The following LHCGR variants were observed in gnomAD, a reference collection of about 807,000 sequenced individuals.
LHCGR encodes luteinizing hormone/choriogonadotropin receptor.
In LHCGR, 55 loss-of-function variants were observed where a neutral mutation model predicts 60.7. The ratio of observed to expected loss-of-function variants is 0.91; its 90% CI spans 0.73 to 1.13. The LOEUF (loss-of-function observed/expected upper bound fraction) is 1.13, where lower values mean the gene tolerates loss of function less well. Among genes scored for constraint, LHCGR ranks in the 50% most tolerant of loss-of-function variants. The probability of loss-of-function intolerance (pLI) is 0.00; values close to 1 mark genes in which losing one functional copy is unlikely to be tolerated. For missense variants in LHCGR, 862 were observed against 836.0 expected (o/e 1.03, Z -0.38); for synonymous variants, 337 against 316.5 (o/e 1.06, Z -0.69).
intron 1 of LHCGR, among the ~76,000 whole-genome samples, chr2:48,740,319 T>C (rs1294645143): frequency 6.6e-5 from 10 of 152,278 alleles, no homozygotes; most frequent in Middle Eastern, 6.8e-3. Context: ...GCCAGGAAGC[T>C]CGAACTGGGT....
chr2:48,739,536 A>G (rs1669341868), intron 1 of LHCGR, among the ~76,000 whole-genome samples: 1 of 152,198 alleles, frequency 6.6e-6, no homozygotes, highest in Admixed American at 6.5e-5. Context: ...GCTGGAAAGC[A>G]TCATTCTCAG....
intron 8 of LHCGR, among the ~76,000 whole-genome samples, chr2:48,707,347 G>A (rs569570273): frequency 7.2e-5 from 11 of 152,342 alleles, no homozygotes; most frequent in South Asian, 4.1e-4. Context: ...ACTGGGATGC[G>A]TCTCCCAGTC....
chr2:48,753,805 A>AGTGTGTGTGTGT (rs70946826), intron 1 of LHCGR, among the ~76,000 whole-genome samples: 7 of 149,810 alleles, frequency 4.7e-5, no homozygotes, highest in South Asian at 2.1e-4. Context: ...GGAGAAACTG[A>AGTGTGTGTGTGT]GTGTGTGTGT....
intron 4 of LHCGR, among the ~76,000 whole-genome samples, chr2:48,725,400 C>G (rs1044340966): frequency 6.6e-6 from 1 of 152,178 alleles, no homozygotes; most frequent in Non-Finnish European, 1.5e-5. Context: ...CTCCCATACC[C>G]ATTGTCAACC....
chr2:48,695,589 G>A lies in LHCGR; in HGVS notation c.867-1285C>T, dbSNP rs536834587. 7.2e-5 allele frequency among the ~76,000 whole-genome samples: 11 copies of A among 152,230 alleles called. No individual in the cohort carries two copies. The South Asian group carries it at 2.3e-3, about 32-fold the overall frequency. On this transcript the variant is annotated intron_variant, in intron 9 of 10. Transcript: ENST00000294954. ...ATGAAATAGATCATTACACCAAAAAGACATGTGCACTTATATGGTCATTGC... is the reference window on the plus strand; with the variant it reads ...ATGAAATAGATCATTACACCAAAAAAACATGTGCACTTATATGGTCATTGC...
At chr2:48,724,878 C>G (rs901687439) in intron 4 of LHCGR, among the ~76,000 whole-genome samples, 7 of 152,060 alleles carry the variant, frequency 4.6e-5, no homozygotes, top group South Asian at 2.1e-4. Context: ...ACGTGAAGTA[C>G]CAGAGAGATG....
chr2:48,719,723 G>T (rs954357799), intron 6 of LHCGR, among the ~76,000 whole-genome samples: 1 of 152,194 alleles, frequency 6.6e-6, no homozygotes, highest in African/African-American at 2.4e-5. Flanking sequence ...TTCATTAAAT[G>T]AGCTCACAGT....
intron 9 of LHCGR, 107 bp from the exon 10 acceptor site, chr2:48,694,411 C>A: frequency 1.4e-6 from 1 of 720,686 alleles, no homozygotes; most frequent in Admixed American, 2.0e-5. Flanking sequence ...ACCTATTACA[C>A]CAGCATCTCG....
chr2:48,739,490 T>G (rs528166995), intron 1 of LHCGR, among the ~76,000 whole-genome samples: 3 of 151,790 alleles, frequency 2.0e-5, no homozygotes, highest in East Asian at 1.9e-4. Flanking sequence ...CCATAAAAAA[T>G]GATGAGTTCA....
At chr2:48,740,500 C>A (rs1168286227) in intron 1 of LHCGR, among the ~76,000 whole-genome samples, 2 of 152,170 alleles carry the variant, frequency 1.3e-5, no homozygotes, top group Non-Finnish European at 2.9e-5. Flanking sequence ...GATCTGAGAA[C>A]AGGCAGACTG....
At chr2:48,751,331 C>G (rs1349850988) in intron 1 of LHCGR, among the ~76,000 whole-genome samples, 1 of 152,014 alleles carries the variant, frequency 6.6e-6, no homozygotes, top group Non-Finnish European at 1.5e-5. Context: ...GAAATATTTC[C>G]CCCCCAGCCT....
At chr2:48,745,700 G>T (rs1349147898) in intron 1 of LHCGR, among the ~76,000 whole-genome samples, 6 of 113,036 alleles carry the variant, frequency 5.3e-5, no homozygotes, top group Non-Finnish European at 8.6e-5. Context: ...CTGTTGTGGG[G>T]TGGGGGGAGG....
intron 4 of LHCGR, among the ~76,000 whole-genome samples, chr2:48,724,031 C>A (rs1018788676): frequency 6.6e-6 from 1 of 152,136 alleles, no homozygotes; most frequent in African/African-American, 2.4e-5. Context: ...ATTCCACTTT[C>A]TTTTGGTAAT....
chr2:48,716,832 C>T (rs946041758), intron 6 of LHCGR, among the ~76,000 whole-genome samples: 5 of 152,122 alleles, frequency 3.3e-5, no homozygotes, highest in Admixed American at 1.3e-4. Context: ...GACTCTTGCC[C>T]GGTATTTGTC....
intron 8 of LHCGR, among the ~76,000 whole-genome samples, chr2:48,707,994 C>T (rs564587455): frequency 3.5e-4 from 53 of 152,248 alleles, no homozygotes; most frequent in South Asian, 1.0e-3. Flanking sequence ...GGTGAGGTGA[C>T]GCCCTGCCCT....
intron 4 of LHCGR, among the ~76,000 whole-genome samples, chr2:48,724,463 C>G (rs2104453469): frequency 6.6e-6 from 1 of 152,300 alleles, no homozygotes; most frequent in South Asian, 2.1e-4. Context: ...GACAATGAAA[C>G]AAAGCCAGGT....
chr2:48,740,868 A>C (rs937009518), intron 1 of LHCGR, among the ~76,000 whole-genome samples: 3 of 152,234 alleles, frequency 2.0e-5, no homozygotes, highest in African/African-American at 7.2e-5. Flanking sequence ...TGAGAGAAGA[A>C]GGCTTCAGAC....
chr2:48,730,955 T>C (rs1357877149), intron 2 of LHCGR, among the ~76,000 whole-genome samples: 1 of 152,196 alleles, frequency 6.6e-6, no homozygotes, highest in Non-Finnish European at 1.5e-5. Flanking sequence ...GGAATCTATC[T>C]TTTTTTCTCC....
At chr2:48,738,707 T>A (rs7582603) in intron 1 of LHCGR, among the ~76,000 whole-genome samples, 29,727 of 152,148 alleles carry the variant, frequency 0.2, 4,981 homozygotes, top group African/African-American at 0.44. Context: ...CCAGTCTGAA[T>A]TGAGATGAGC....
Sources: allele counts gnomAD v4.1 joint callset (sites outside exome capture counted in the v4.1 genomes callset), GRCh38; gene constraint gnomAD v4.1.1; transcripts MANE v1.5; gene names NCBI Gene and HGNC (gene_info 2026-07-23, HGNC 2026-07-21).